GRM5: variants seen among roughly 807,000 people sequenced by gnomAD.
The protein encoded by GRM5 is glutamate metabotropic receptor 5, also known as metabotropic glutamate receptor 5.
Under a neutral mutation model 83.1 loss-of-function variants are expected in GRM5, and 19 were observed. That is an observed-to-expected ratio of 0.23 (90% CI 0.16 to 0.34). GRM5 has a LOEUF of 0.34. GRM5 is among the 10% of genes least tolerant of loss of function. The pLI, the probability that GRM5 is intolerant of heterozygous loss-of-function variation, is 1.00. For missense variants in GRM5, 1,160 were observed against 1,588.3 expected (o/e 0.73, Z 4.58); for synonymous variants, 675 against 633.6 (o/e 1.07, Z -0.98).
At chr11:88,577,809 T>C (rs570412173) in intron 7 of GRM5, among the ~76,000 whole-genome samples, 3 of 152,108 alleles carry the variant, frequency 2.0e-5, no homozygotes, top group African/African-American at 7.2e-5. Context: ...CTCTACAGCA[T>C]AGTAATGTAT....
chr11:88,742,964 T>C (rs1012299640), intron 3 of GRM5, among the ~76,000 whole-genome samples: 2 of 152,098 alleles, frequency 1.3e-5, no homozygotes, highest in Non-Finnish European at 2.9e-5. Flanking sequence ...AGAAATGGCA[T>C]CAAGGACTAG....
At chr11:88,917,937 T>C (rs1945622358) in intron 2 of GRM5, among the ~76,000 whole-genome samples, 1 of 151,948 alleles carries the variant, frequency 6.6e-6, no homozygotes, top group Non-Finnish European at 1.5e-5. Flanking sequence ...ACAGAGAACT[T>C]TCCAAACCTA....
intron 8 of GRM5, among the ~76,000 whole-genome samples, chr11:88,565,132 G>A (rs1269679893): frequency 6.6e-6 from 1 of 152,202 alleles, no homozygotes; most frequent in East Asian, 1.9e-4. Context: ...TTTTTTCGGA[G>A]GAAGAAATCA....
At chr11:89,063,485 CT>C (rs1352845629) in intron 1 of GRM5, 2 of 152,696 alleles carry the variant, frequency 1.3e-5, no homozygotes, top group Middle Eastern at 3.4e-3. Context: ...GCTTACCCCC[CT>C]GTTGGCTGCG....
At chr11:88,767,655 C>T (rs766434354) in intron 3 of GRM5, among the ~76,000 whole-genome samples, 21 of 151,864 alleles carry the variant, frequency 1.4e-4, no homozygotes, top group Admixed American at 2.0e-4. Flanking sequence ...AGGCGAACAA[C>T]GGACATTGGG....
intron 8 of GRM5, among the ~76,000 whole-genome samples, chr11:88,546,725 A>C (rs979057732): frequency 1.3e-5 from 2 of 152,108 alleles, no homozygotes; most frequent in Non-Finnish European, 2.9e-5. Flanking sequence ...TTTCATGCTA[A>C]TGAGATTCAT....
chr11:88,869,540 A>T (rs997596005), intron 2 of GRM5, among the ~76,000 whole-genome samples: 1 of 151,400 alleles, frequency 6.6e-6, no homozygotes, highest in African/African-American at 2.4e-5. Flanking sequence ...ATAAATTTTT[A>T]AAAGTGTTAT....
intron 7 of GRM5, among the ~76,000 whole-genome samples, chr11:88,573,856 G>A (rs558497603): frequency 6.3e-4 from 96 of 152,226 alleles, no homozygotes; most frequent in Non-Finnish European, 1.2e-3. Context: ...GTTGAACTGG[G>A]ATCACAGGGT....
At chr11:88,555,167 C>T (rs1209848087) in intron 8 of GRM5, among the ~76,000 whole-genome samples, 3 of 152,140 alleles carry the variant, frequency 2.0e-5, no homozygotes, top group African/African-American at 7.2e-5. Context: ...TTAATAATAT[C>T]TGACTCATAT....
At chr11:89,000,156 T>C (rs1940325207) in intron 2 of GRM5, among the ~76,000 whole-genome samples, 1 of 152,046 alleles carries the variant, frequency 6.6e-6, no homozygotes, top group South Asian at 2.1e-4. Context: ...AGTTAATGGG[T>C]GCAGCACACC....
chr11:88,968,280 G>A (rs532413423), intron 2 of GRM5, among the ~76,000 whole-genome samples: 1 of 152,226 alleles, frequency 6.6e-6, no homozygotes, highest in East Asian at 1.9e-4. Flanking sequence ...GGCTTAAACA[G>A]GCAGGAATAT....
chr11:88,840,432 T>C (rs1273167909), intron 3 of GRM5, among the ~76,000 whole-genome samples: 1 of 152,206 alleles, frequency 6.6e-6, no homozygotes, highest in Admixed American at 6.5e-5. Context: ...GTCTGTTAGC[T>C]CTTGAATTTC....
chr11:88,692,672 G>C (rs1009636942), intron 3 of GRM5, among the ~76,000 whole-genome samples: 2 of 152,160 alleles, frequency 1.3e-5, no homozygotes, highest in Non-Finnish European at 2.9e-5. Flanking sequence ...TGTAAGATAT[G>C]CAACAAGACT....
intron 3 of GRM5, among the ~76,000 whole-genome samples, chr11:88,784,094 C>T (rs1943023241): frequency 1.3e-5 from 2 of 152,108 alleles, no homozygotes; most frequent in Middle Eastern, 3.4e-3. Context: ...ACCACCATGG[C>T]CATAATTTAT....
At chr11:88,836,032 C>T (rs1281529208) in intron 3 of GRM5, among the ~76,000 whole-genome samples, 9 of 152,196 alleles carry the variant, frequency 5.9e-5, no homozygotes, top group Admixed American at 3.3e-4. Context: ...GCCCTTAAAC[C>T]TCAAGAAGGA....
intron 2 of GRM5, among the ~76,000 whole-genome samples, chr11:88,879,093 G>A (rs1590933202): frequency 6.6e-6 from 1 of 152,030 alleles, no homozygotes; most frequent in South Asian, 2.1e-4. Context: ...GTCAGTTATA[G>A]GATAAGAAAT....
At chr11:88,976,255 G>A (rs1939330949) in intron 2 of GRM5, among the ~76,000 whole-genome samples, 2 of 152,144 alleles carry the variant, frequency 1.3e-5, no homozygotes, top group South Asian at 4.1e-4. Flanking sequence ...TTTAAAAACT[G>A]ATATAAAATT....
intron 3 of GRM5, among the ~76,000 whole-genome samples, chr11:88,748,307 T>C (rs1365101791): frequency 6.6e-6 from 1 of 152,076 alleles, no homozygotes; most frequent in Non-Finnish European, 1.5e-5. Context: ...ACCATAGCTA[T>C]ACCTAGGAAG....
chr11:88,993,191 A>C (rs1020115420), intron 2 of GRM5, among the ~76,000 whole-genome samples: 5 of 146,830 alleles, frequency 3.4e-5, no homozygotes, highest in Non-Finnish European at 7.4e-5. Context: ...GCGTGAGTCC[A>C]GGAGGCAGAG....
Sources: gnomAD v4.1 joint callset for allele counts (sites outside exome capture counted in the v4.1 genomes callset) on GRCh38, gnomAD v4.1.1 for gene constraint, MANE v1.5 for transcripts, NCBI Gene and HGNC (gene_info 2026-07-23, HGNC 2026-07-21) for gene names.